DNAH14: variants seen among roughly 807,000 people sequenced by gnomAD.
DNAH14 encodes axonemal beta dynein heavy chain 14.
In DNAH14, 478 loss-of-function variants were observed where a neutral mutation model predicts 520.9. The ratio of observed to expected loss-of-function variants is 0.92; its 90% confidence interval spans 0.85 to 0.99. DNAH14 has a LOEUF of 0.99. Ranked by LOEUF, DNAH14 falls within the 50% of genes least tolerant of loss-of-function variation. DNAH14 has a pLI of 0.00. For synonymous variants in DNAH14, 1,581 were observed against 1,757.2 expected (o/e 0.90, Z 2.51); for missense variants, 4,831 against 5,234.5 (o/e 0.92, Z 2.38).
Position 225,002,000 on chromosome 1 carries a change from A to G in DNAH14, c.831-783A>G, listed in dbSNP as rs573747782. On this transcript the variant is annotated intron_variant, in intron 8 of 85. Coordinates refer to ENST00000682510, the MANE Select transcript of DNAH14 (RefSeq NM_001367479.1). ...AAGCTTAAACTTCACTAGCTTTATA[A>G]TATATAAAGCCCTCAACTGTAAAAT... is the stretch of plus-strand genomic sequence containing the variant. Among the ~76,000 whole-genome samples, 5 of 152,276 alleles carry G rather than the reference A, an allele frequency of 3.3e-5. No homozygotes were observed. The East Asian group carries it at 7.7e-4, about 24-fold the overall frequency.
At chr1:225,195,160 A>G (rs952807429) in intron 38 of DNAH14, among the ~76,000 whole-genome samples, 1 of 152,204 alleles carries the variant, frequency 6.6e-6, no homozygotes, top group Non-Finnish European at 1.5e-5. Flanking sequence ...TATTGGGCAT[A>G]TATGCCCAAA....
chr1:225,002,821 T>A lies in DNAH14; in HGVS notation c.869T>A (p.Leu290Ter). Residue 290 changes from leucine to a stop codon, truncating the protein, a stop_gained, in exon 9 of 86, where the codon TTG becomes TAG. Transcript: ENST00000682510. LOFTEE classifies it high-confidence loss of function. ...CACCATCTTTTTTTGGCTGATGACT[T>A]GTTTCAAACCTGTTTGGTTTATATA... ...LYHHLFLADD[L>*]FQTCLVYIRG... 6.5e-7 allele frequency: 1 copy of A among 1,549,274 alleles called. No homozygotes were observed. Among genetic ancestry groups the A allele is most frequent in the African/African-American group, 1.4e-5 (1 of 73,052 alleles).
intron 44 of DNAH14, 69 bp from the exon 45 acceptor site, chr1:225,257,887 CAAAA>C (rs35313445): frequency 1.2e-4 from 115 of 957,566 alleles, no homozygotes; most frequent in Non-Finnish European, 1.4e-4. Flanking sequence ...ATCCTAATGA[CAAAA>C]AAAAAAAAAA....
At chr1:225,113,691 C>T (rs74147108) in intron 23 of DNAH14, among the ~76,000 whole-genome samples, 3,755 of 152,300 alleles carry the variant, frequency 0.025, 124 homozygotes, top group African/African-American at 0.077. Context: ...ACTCAAACCA[C>T]AAGACACAGT....
intron 36 of DNAH14, among the ~76,000 whole-genome samples, chr1:225,174,935 G>A (rs2083149178): frequency 6.6e-6 from 1 of 152,076 alleles, no homozygotes; most frequent in African/African-American, 2.4e-5. Flanking sequence ...GTAATGATAA[G>A]GTGGTATTTG....
At chr1:225,061,937 C>G (rs1384105426) in intron 17 of DNAH14, among the ~76,000 whole-genome samples, 2 of 152,148 alleles carry the variant, frequency 1.3e-5, no homozygotes, top group Non-Finnish European at 2.9e-5. Context: ...AATCTGTGAT[C>G]TAGCCATGAT....
At chr1:224,977,810 TCAAA>T (rs1181270414) in intron 8 of DNAH14, among the ~76,000 whole-genome samples, 1 of 152,094 alleles carries the variant, frequency 6.6e-6, no homozygotes, top group African/African-American at 2.4e-5. Context: ...TAAAGGGGAC[TCAAA>T]CAACAGTAAA....
In DNAH14 at chr1:225,124,576, A is replaced by G. The variant is rs1165012201; in HGVS notation, c.4254+962A>G. 5.8e-4 allele frequency among the ~76,000 whole-genome samples: 89 copies of G among 152,198 alleles called. 1 individual carries two copies. Among genetic ancestry groups the G allele is most frequent in the Admixed American group, 5.8e-3 (89 of 15,268 alleles). On this transcript the variant is annotated intron_variant, in intron 27 of 85. Coordinates refer to ENST00000682510, the MANE Select transcript of DNAH14 (RefSeq NM_001367479.1). ...CATTCAAGTTTTTTCATGAGATTGCAGCAAATTCCGTCACATCTTCAGGCT... is the reference window on the plus strand; with the variant it reads ...CATTCAAGTTTTTTCATGAGATTGCGGCAAATTCCGTCACATCTTCAGGCT...
chr1:224,960,356 A>G (rs2060768924), intron 4 of DNAH14, 54 bp downstream of exon 4: 5 of 1,435,936 alleles, frequency 3.5e-6, no homozygotes, highest in Non-Finnish European at 4.6e-6. Flanking sequence ...TTTTCAGATT[A>G]TTCTGTGGTT....
At chr1:225,285,908 A>T (rs1403045513) in intron 54 of DNAH14, among the ~76,000 whole-genome samples, 1 of 152,210 alleles carries the variant, frequency 6.6e-6, no homozygotes, top group Non-Finnish European at 1.5e-5. Context: ...GCTGAATTTT[A>T]TTGTACATAT....
At chr1:225,101,192 G>C (rs1247021507) in intron 23 of DNAH14, among the ~76,000 whole-genome samples, 1 of 151,040 alleles carries the variant, frequency 6.6e-6, no homozygotes, top group African/African-American at 2.4e-5. Flanking sequence ...TCTTTCAGGA[G>C]GTTAATACTT....
intron 15 of DNAH14, among the ~76,000 whole-genome samples, chr1:225,049,774 C>CTATG (rs1213597098): frequency 2.0e-4 from 4 of 19,792 alleles, no homozygotes; most frequent in African/African-American, 9.9e-4. Context: ...ATCTATCTAC[C>CTATG]TATCTATCTA....
rs1044704685 is a variant in DNAH14, at chr1:225,289,805, A to G, written c.8272-80A>G. 6.8e-6 allele frequency: 7 copies of G among 1,035,026 alleles called. No individual in the cohort carries two copies. In the African/African-American group the frequency reaches 1.2e-4, roughly 17 times the overall value. 64.1% of individuals were successfully genotyped at this position (1,035,026 alleles called of 1,614,324 possible). A position where few individuals can be genotyped will look rare whatever the true frequency, so the allele number is the denominator to read the frequency against. ...GTATTTTTACATCAAAATTTCTAGCACAAATAATAAACAGAAAACTATACG... is the reference window on the plus strand; with the variant it reads ...GTATTTTTACATCAAAATTTCTAGCGCAAATAATAAACAGAAAACTATACG... On this transcript the variant is annotated intron_variant, in intron 54 of 85. Transcript: ENST00000682510.
intron 84 of DNAH14, chr1:225,396,162 G>C (rs913043407): frequency 2.0e-5 from 3 of 152,188 alleles, no homozygotes; most frequent in Admixed American, 2.0e-4. Flanking sequence ...GAAATCAGGT[G>C]ACTGCTTGGC....
Position 225,333,291 on chromosome 1 carries a change from A to G in DNAH14, c.9865A>G (p.Thr3289Ala). The G allele has an allele frequency of 6.5e-7, 1 of 1,549,284 alleles. No homozygotes were observed. The highest frequency in any genetic ancestry group is 1.2e-5 in the South Asian group (1 of 83,768). ...AACTCATTTCTATTTTAACATTTAG[A>G]CTCGATGGCAAGAAACAATCAATCA... The part of the protein sequence containing the change: ...VLLTVLEDEK[T>A]RWQETINQID... Residue 3289 changes from threonine to alanine, a missense_variant and splice_region_variant, in exon 66 of 86, where the codon ACT (threonine) becomes GCT (alanine). By Grantham distance (58) the Thr-to-Ala change is moderately conservative (BLOSUM62 0). Transcript: ENST00000682510.
chr1:225,126,536 G>A (rs2077732371), intron 27 of DNAH14, among the ~76,000 whole-genome samples: 1 of 152,158 alleles, frequency 6.6e-6, no homozygotes, highest in Admixed American at 6.6e-5. Flanking sequence ...TTGTATTTCT[G>A]TGGGATTGGT....
chr1:225,145,908 C>T (rs563400332), intron 30 of DNAH14, among the ~76,000 whole-genome samples: 23 of 152,304 alleles, frequency 1.5e-4, no homozygotes, highest in African/African-American at 5.1e-4. Context: ...TTTCAAAATA[C>T]TGCAATTTGT....
chr1:225,327,228 G>A (rs576106017), intron 64 of DNAH14, among the ~76,000 whole-genome samples: 202 of 151,904 alleles, frequency 1.3e-3, no homozygotes, highest in Non-Finnish European at 2.2e-3. Context: ...CGCGATCTCG[G>A]CTCACTGCAA....
chr1:225,387,895 G>A (rs1261934131), intron 81 of DNAH14, among the ~76,000 whole-genome samples: 7 of 152,076 alleles, frequency 4.6e-5, no homozygotes, highest in Non-Finnish European at 1.0e-4. Context: ...GCAAGGGAGC[G>A]TTAATAAACA....
Sources: gnomAD v4.1 joint callset for allele counts (sites outside exome capture counted in the v4.1 genomes callset) on GRCh38, gnomAD v4.1.1 for gene constraint, MANE v1.5 for transcripts, NCBI Gene and HGNC (gene_info 2026-07-23, HGNC 2026-07-21) for gene names.